Variants in DPYSL5 observed in about 807,000 individuals in gnomAD.
DPYSL5 encodes the protein dihydropyrimidinase-related protein 5.
A neutral mutation model predicts 58.4 loss-of-function variants in DPYSL5; 9 were observed. The ratio of observed to expected loss-of-function variants is 0.15; its 90% CI spans 0.09 to 0.27. The LOEUF (loss-of-function observed/expected upper bound fraction) is 0.27. DPYSL5 is among the 10% of genes least tolerant of loss of function. DPYSL5 has a pLI of 1.00. For synonymous variants in DPYSL5, 293 were observed against 301.9 expected (o/e 0.97, Z 0.31); for missense variants, 499 against 770.6 (o/e 0.65, Z 4.17).
chr2:26,857,928 A>T (rs1300618554), intron 1 of DPYSL5, among the ~76,000 whole-genome samples: 1 of 152,206 alleles, frequency 6.6e-6, no homozygotes, highest in Non-Finnish European at 1.5e-5. Flanking sequence ...GATGGCAGTG[A>T]TGGGCATGGC....
At chr2:26,882,223 A>T (rs1025590153) in intron 1 of DPYSL5, among the ~76,000 whole-genome samples, 4 of 151,940 alleles carry the variant, frequency 2.6e-5, no homozygotes, top group African/African-American at 9.7e-5. Flanking sequence ...AAGTACTTGC[A>T]TGATTTTAAA....
At chr2:26,862,907 C>T (rs888271784) in intron 1 of DPYSL5, among the ~76,000 whole-genome samples, 6 of 152,202 alleles carry the variant, frequency 3.9e-5, no homozygotes, top group African/African-American at 1.4e-4. Flanking sequence ...GAAGCTGTTT[C>T]TGCCTGCCCC....
intron 1 of DPYSL5, among the ~76,000 whole-genome samples, chr2:26,864,259 A>C (rs779535319): frequency 1.6e-4 from 25 of 152,194 alleles, no homozygotes; most frequent in Non-Finnish European, 3.2e-4. Context: ...AAGAAAAGAA[A>C]TTACACACAG....
intron 1 of DPYSL5, among the ~76,000 whole-genome samples, chr2:26,876,268 T>C (rs1028557111): frequency 1.3e-5 from 2 of 152,148 alleles, no homozygotes; most frequent in African/African-American, 2.4e-5. Context: ...GGCCATTGAC[T>C]ACCCCTCCTG....
At chr2:26,920,955 T>C (rs565891456) in intron 2 of DPYSL5, among the ~76,000 whole-genome samples, 2 of 152,346 alleles carry the variant, frequency 1.3e-5, no homozygotes, top group East Asian at 3.9e-4. Flanking sequence ...AAGTTTCACA[T>C]TTAATTTGGT....
Position 26,877,873 on chromosome 2 carries a change from A to G in DPYSL5, c.-4-20623A>G, listed in dbSNP as rs1663453382. 1.3e-5 allele frequency among the ~76,000 whole-genome samples: 2 copies of G among 152,244 alleles called. No individual in the cohort carries two copies. Among genetic ancestry groups the G allele is most frequent in the South Asian group, 4.1e-4 (2 of 4,830 alleles). ...TTAGAGATCTACAGAATCCTTTTCA[A>G]TGGCTGCACAGCCCTCTATTGTGTG... On this transcript the variant is annotated intron_variant, in intron 1 of 12. Coordinates refer to ENST00000288699, the MANE Select transcript of DPYSL5 (RefSeq NM_020134.4). The surrounding 1 kb of genome is among the most constrained non-coding windows in gnomAD (Gnocchi z 4.1).
Position 26,933,837 on chromosome 2 carries a change from A to G in DPYSL5, c.790+504A>G, listed in dbSNP as rs963252139. On this transcript the variant is annotated intron_variant, in intron 7 of 12. Coordinates refer to ENST00000288699, the MANE Select transcript of DPYSL5 (RefSeq NM_020134.4). This position sits in a 1 kb window ranked among gnomAD's most constrained non-coding sequence, Gnocchi z 4.2. ...TGGCTTCTGTTGCGGATCGCCTGGC[A>G]GTACCTAAAGGCTTGCAGATGCTTG... is the stretch of plus-strand genomic sequence containing the variant. Among the ~76,000 whole-genome samples, 1 of 152,130 alleles carries G rather than the reference A, an allele frequency of 6.6e-6. No homozygotes were observed. Among genetic ancestry groups the G allele is most frequent in the African/African-American group, 2.4e-5 (1 of 41,418 alleles).
chr2:26,927,388 G>A lies in DPYSL5; in HGVS notation c.556G>A (p.Ala186Thr). The change falls in exon 4 of 13, where the codon GCA becomes ACA. Residue 186 changes from alanine (A) to threonine (T), a missense_variant. Coordinates refer to ENST00000288699, the MANE Select transcript of DPYSL5 (RefSeq NM_020134.4). This position sits in a 1 kb window ranked among gnomAD's most constrained non-coding sequence, Gnocchi z 4.3. ...QVLHACKDIG[A>T]IARVHAENGE... Reference sequence around the variant, plus strand: ...GTTGCACGCTTGCAAGGACATTGGGGCAATCGCCCGCGTCCATGCTGAAAA... The same window carrying A: ...GTTGCACGCTTGCAAGGACATTGGGACAATCGCCCGCGTCCATGCTGAAAA... 1 of 1,614,232 alleles carries A rather than the reference G, an allele frequency of 6.2e-7. No individual in the cohort carries two copies. The highest frequency in any genetic ancestry group is 8.5e-7 in the Non-Finnish European group (1 of 1,180,044).
Position 26,940,154 on chromosome 2 carries a change from C to T in DPYSL5, c.1071C>T (p.Val357=). The change falls in exon 9 of 13, where the codon GTC becomes GTT. Residue 357 remains valine (V), a synonymous_variant. Coordinates refer to ENST00000288699, the MANE Select transcript of DPYSL5 (RefSeq NM_020134.4). ...GTGGCGTGCAGGACCGCATGAGCGTCATCTGGGAGAGAGGAGTGGTATGTT... is the reference window on the plus strand; with the variant it reads ...GTGGCGTGCAGGACCGCATGAGCGTTATCTGGGAGAGAGGAGTGGTATGTT... ...GVSGVQDRMS[V]IWERGVVGGK... is the part of the protein sequence containing the mutation. 1 of 1,614,138 alleles carries T rather than the reference C, an allele frequency of 6.2e-7. No individual in the cohort carries two copies. The highest frequency in any genetic ancestry group is 8.5e-7 in the Non-Finnish European group (1 of 1,180,034).
chr2:26,898,556 C>T lies in DPYSL5; in HGVS notation c.57C>T (p.Asn19=), dbSNP rs750811148. Residue 19 remains asparagine (N), a synonymous_variant, in exon 2 of 13, where the codon AAC becomes AAT. Transcript: ENST00000288699. This position sits in a 1 kb window ranked among gnomAD's most constrained non-coding sequence, Gnocchi z 6.1. The part of the protein sequence containing the change: ...RILIKGGKVV[N]DDCTHEADVY... Reference sequence around the variant, plus strand: ...TCATCAAGGGAGGCAAGGTGGTGAACGATGACTGCACCCACGAGGCTGACG... The same window carrying T: ...TCATCAAGGGAGGCAAGGTGGTGAATGATGACTGCACCCACGAGGCTGACG... 62 of 1,614,142 alleles carry T rather than the reference C, an allele frequency of 3.8e-5. No homozygotes were observed. Among genetic ancestry groups the T allele is most frequent in the South Asian group, 5.5e-5 (5 of 91,080 alleles).
chr2:26,872,219 G>A (rs1439417707), intron 1 of DPYSL5, among the ~76,000 whole-genome samples: 2 of 152,200 alleles, frequency 1.3e-5, no homozygotes, highest in Non-Finnish European at 2.9e-5. Flanking sequence ...GATGGCTGGA[G>A]TTGCGGGTGC....
At chr2:26,913,373 T>C (rs1347983801) in intron 2 of DPYSL5, among the ~76,000 whole-genome samples, 2 of 152,238 alleles carry the variant, frequency 1.3e-5, no homozygotes, top group African/African-American at 4.8e-5. Context: ...TTTGTTGTTT[T>C]GTGACTGGAT....
rs1438399515 is a variant in DPYSL5 at position 26,849,336 on chromosome 2, G to A, written c.-5+1082G>A. Reference sequence around the variant, plus strand: ...GGAGGGGGGCCTCCTGGGAAGGGGAGCCTCCCGAGGAGGGAGGGGCAAGCA... The same window carrying A: ...GGAGGGGGGCCTCCTGGGAAGGGGAACCTCCCGAGGAGGGAGGGGCAAGCA... On this transcript the variant is annotated intron_variant, in intron 1 of 12. Transcript: ENST00000288699. The surrounding 1 kb of genome is among the most constrained non-coding windows in gnomAD (Gnocchi z 6.2). Among the ~76,000 whole-genome samples the A allele has an allele frequency of 6.6e-6, 1 of 151,852 alleles. No individual in the cohort carries two copies. The highest frequency in any genetic ancestry group is 1.5e-5 in the Non-Finnish European group (1 of 67,934).
chr2:26,867,067 C>CCTA (rs1666162252), intron 1 of DPYSL5, among the ~76,000 whole-genome samples: 1 of 152,082 alleles, frequency 6.6e-6, no homozygotes, highest in African/African-American at 2.4e-5. Context: ...CTCATCATCT[C>CCTA]CTACTAAACA....
At position 26,868,124 on chromosome 2, in the gene DPYSL5, A is replaced by G. The variant is rs1213649049; in HGVS notation, c.-5+19870A>G. The stretch of plus-strand genomic sequence containing the variant: ...TACTGCAGAGGCTGAACATCATCTC[A>G]TATGTTGTTGGTTATTTAGCTTTGT... On this transcript the variant is annotated intron_variant, in intron 1 of 12. Coordinates refer to ENST00000288699, the MANE Select transcript of DPYSL5 (RefSeq NM_020134.4). Among the ~76,000 whole-genome samples the G allele has an allele frequency of 2.6e-5, 4 of 151,952 alleles. No individual in the cohort carries two copies. The East Asian group carries it at 7.7e-4, about 29-fold the overall frequency.
At chr2:26,848,055 T>C (rs1034101743), upstream of DPYSL5, 13 of 150,570 alleles carry the variant, frequency 8.6e-5, no homozygotes, top group Admixed American at 4.6e-4. Context: ...CGCGCGGTGA[T>C]TGGCGGAGGC....
intron 2 of DPYSL5, among the ~76,000 whole-genome samples, chr2:26,900,390 T>C (rs1358719215): frequency 6.6e-6 from 1 of 152,252 alleles, no homozygotes; most frequent in Admixed American, 6.5e-5. Flanking sequence ...TCGCATTGGC[T>C]TCTTTTGCTC....
intron 1 of DPYSL5, among the ~76,000 whole-genome samples, chr2:26,872,761 A>G (rs1663298819): frequency 1.3e-5 from 2 of 152,032 alleles, no homozygotes; most frequent in Admixed American, 6.6e-5. Flanking sequence ...GTGAGCCAAG[A>G]TCATGCAACT....
intron 1 of DPYSL5, among the ~76,000 whole-genome samples, chr2:26,856,152 A>G (rs1477210350): frequency 6.6e-6 from 1 of 152,204 alleles, no homozygotes; most frequent in Non-Finnish European, 1.5e-5. Flanking sequence ...TTGATGAGAC[A>G]TACCCATGTA....
Sources: gnomAD v4.1 joint callset for allele counts (sites outside exome capture counted in the v4.1 genomes callset) on GRCh38, gnomAD v4.1.1 for gene constraint, Gnocchi (gnomAD v3.1) non-coding constraint, MANE v1.5 for transcripts, NCBI Gene and HGNC (gene_info 2026-07-23, HGNC 2026-07-21) for gene names.